Variants in PCGF3 observed in about 807,000 individuals in gnomAD.
PCGF3 encodes polycomb group RING finger protein 3.
In PCGF3, 7 loss-of-function variants were observed where a neutral mutation model predicts 33.1. That is an observed-to-expected ratio of 0.21 (90% CI 0.12 to 0.40). PCGF3 has a LOEUF of 0.40. Among genes scored for constraint, PCGF3 ranks in the 10% least tolerant of loss-of-function variants. The probability of loss-of-function intolerance (pLI) is 1.00; values close to 1 mark genes in which losing one functional copy is unlikely to be tolerated. For missense variants in PCGF3, 211 were observed against 313.3 expected, an observed-to-expected ratio of 0.67 and a Z score of 2.46; for synonymous variants, 153 against 121.3, an observed-to-expected ratio of 1.26 and a Z score of -1.72.
At chr4:727,539 T>C (rs1391514351) in intron 1 of PCGF3, among the ~76,000 whole-genome samples, 1 of 152,094 alleles carries the variant, frequency 6.6e-6, no homozygotes. Context: ...TATGCTTGGC[T>C]GAGTTTTGTT....
At chr4:727,231 G>GTTTT (rs1276834611) in intron 1 of PCGF3, among the ~76,000 whole-genome samples, 1 of 93,892 alleles carries the variant, frequency 1.1e-5, no homozygotes, top group African/African-American at 3.3e-5. Context: ...GTTAGCGAGC[G>GTTTT]TCTTTTTTTT....
intron 9 of PCGF3, chr4:762,547 G>C (rs542939567): frequency 9.2e-5 from 14 of 152,432 alleles, no homozygotes; most frequent in African/African-American, 2.9e-4. Context: ...GAAAGGACTG[G>C]CCAGCATGTG....
At chr4:742,908 C>T (rs1744155041) in intron 6 of PCGF3, among the ~76,000 whole-genome samples, 1 of 152,206 alleles carries the variant, frequency 6.6e-6, no homozygotes, top group Non-Finnish European at 1.5e-5. Flanking sequence ...GACACATGGT[C>T]CCCGGGGCTC....
At chr4:722,165 G>A (rs1236202770) in intron 1 of PCGF3, 2 of 156,004 alleles carry the variant, frequency 1.3e-5, no homozygotes, top group African/African-American at 4.8e-5. Flanking sequence ...TCCTTACGCA[G>A]AGAACAGCCG....
At chr4:737,554 G>A (rs1743888417) in intron 6 of PCGF3, 33 bp downstream of exon 6, 3 of 1,440,616 alleles carry the variant, frequency 2.1e-6, no homozygotes, top group Admixed American at 1.7e-5. Context: ...GATCCCTGAG[G>A]TCCCAGCCTG....
exon 11 of PCGF3, chr4:766,540 T>C (rs1459254438): frequency 1.3e-5 from 2 of 153,134 alleles, no homozygotes; most frequent in South Asian, 2.1e-4. Flanking sequence ...AATGACAATA[T>C]TTATGTTGCC....
At chr4:735,177 G>A (rs545591100) in intron 5 of PCGF3, 150 bp downstream of exon 5, 72 of 843,608 alleles carry the variant, frequency 8.5e-5, no homozygotes, top group South Asian at 2.5e-4. Context: ...AGCTGCACAC[G>A]AAGAACCTGG....
chr4:713,936 G>A (rs1742692302), intron 1 of PCGF3, among the ~76,000 whole-genome samples: 1 of 152,018 alleles, frequency 6.6e-6, no homozygotes, highest in Admixed American at 6.5e-5. Flanking sequence ...CCAAGTTTTT[G>A]TTAAGAAAAA....
At chr4:727,503 G>A (rs1006066911) in intron 1 of PCGF3, among the ~76,000 whole-genome samples, 1 of 152,098 alleles carries the variant, frequency 6.6e-6, no homozygotes, top group African/African-American at 2.4e-5. Flanking sequence ...GCCTCTCAAA[G>A]TGCTGGGATT....
intron 6 of PCGF3, among the ~76,000 whole-genome samples, chr4:741,957 G>T (rs1349925980): frequency 6.6e-6 from 1 of 152,082 alleles, no homozygotes; most frequent in Non-Finnish European, 1.5e-5. Context: ...TGTCTTGCAG[G>T]CCTCCATTCC....
chr4:716,876 G>C (rs1742874836), intron 1 of PCGF3, among the ~76,000 whole-genome samples: 1 of 146,414 alleles, frequency 6.8e-6, no homozygotes, highest in Admixed American at 6.8e-5. Flanking sequence ...AGAACTGGGC[G>C]TCGGTGCTGG....
intron 4 of PCGF3, 65 bp downstream of exon 4, chr4:733,854 C>A: frequency 6.2e-7 from 1 of 1,612,502 alleles, no homozygotes; most frequent in Non-Finnish European, 8.5e-7. Flanking sequence ...TCTTCAGAAC[C>A]TTGGCTTTTG....
At chr4:719,603 G>A (rs945044059) in intron 1 of PCGF3, among the ~76,000 whole-genome samples, 3 of 152,278 alleles carry the variant, frequency 2.0e-5, no homozygotes, top group Admixed American at 2.0e-4. Flanking sequence ...CAGGAGCGAG[G>A]CGTTTACGCC....
At chr4:750,208 C>G (rs1194694164) in intron 8 of PCGF3, among the ~76,000 whole-genome samples, 1 of 152,248 alleles carries the variant, frequency 6.6e-6, no homozygotes, top group Non-Finnish European at 1.5e-5. Context: ...TCTAAAGAAG[C>G]TGTAATTTCA....
At chr4:761,763 C>T (rs1745072360) in intron 9 of PCGF3, 1 of 985,418 alleles carries the variant, frequency 1.0e-6, no homozygotes, top group African/African-American at 1.7e-5. Flanking sequence ...AGGGAGGACC[C>T]TTCCAGGCTG....
At chr4:725,607 T>C (rs1400645484) in intron 1 of PCGF3, among the ~76,000 whole-genome samples, 1 of 150,272 alleles carries the variant, frequency 6.7e-6, no homozygotes. Flanking sequence ...TGTGGCTGTG[T>C]GGGCTGCCGA....
chr4:759,948 C>T (rs192809552), intron 8 of PCGF3, among the ~76,000 whole-genome samples: 1,652 of 141,320 alleles, frequency 0.012, 50 homozygotes, highest in African/African-American at 0.019. Context: ...GGGTCTTTCT[C>T]CCCACGGCCT....
intron 6 of PCGF3, among the ~76,000 whole-genome samples, chr4:740,115 T>G (rs1744022111): frequency 6.6e-6 from 1 of 152,234 alleles, no homozygotes; most frequent in Admixed American, 6.5e-5. Context: ...AAACCTCATT[T>G]CTCCGACCAG....
At position 720,780 on chromosome 4, in the gene PCGF3, G is replaced by A. The variant is rs981620473; in HGVS notation, c.-189-9850G>A. ...CCCCGACGTGAATGGATGTGGTTCCGACGTGACTGCGCTGGCATGGGAAGC... is the reference window on the plus strand; with the variant it reads ...CCCCGACGTGAATGGATGTGGTTCCAACGTGACTGCGCTGGCATGGGAAGC... On this transcript the variant is annotated intron_variant, in intron 1 of 10. Transcript: ENST00000362003. The surrounding 1 kb of genome is among the most constrained non-coding windows in gnomAD (Gnocchi z 5.6). 5.9e-5 allele frequency among the ~76,000 whole-genome samples: 9 copies of A among 152,152 alleles called. No individual in the cohort carries two copies. Among genetic ancestry groups the A allele is most frequent in the African/African-American group, 9.7e-5 (4 of 41,436 alleles).
Sources: allele counts gnomAD v4.1 joint callset (sites outside exome capture counted in the v4.1 genomes callset), GRCh38; gene constraint gnomAD v4.1.1; non-coding constraint Gnocchi (gnomAD v3.1); transcripts MANE v1.5; gene names NCBI Gene and HGNC (gene_info 2026-07-23, HGNC 2026-07-21).